The following SNTG1 variants were observed in gnomAD, a reference collection of about 807,000 sequenced individuals.
The protein encoded by SNTG1 is gamma-1-syntrophin.
A neutral mutation model predicts 74.7 loss-of-function variants in SNTG1; 39 were observed. The ratio of observed to expected loss-of-function variants is 0.52; its 90% CI spans 0.40 to 0.68. The LOEUF is 0.68. Ranked by LOEUF, SNTG1 falls within the 30% of genes least tolerant of loss-of-function variation. The pLI is 0.00. For synonymous variants in SNTG1, 254 were observed against 217.1 expected, an observed-to-expected ratio of 1.17 and a Z score of -1.49; for missense variants, 685 against 609.5, an observed-to-expected ratio of 1.12 and a Z score of -1.30.
chr8:50,156,865 G>T (rs1166832633), intron 1 of SNTG1, among the ~76,000 whole-genome samples: 2 of 152,080 alleles, frequency 1.3e-5, no homozygotes, highest in Non-Finnish European at 1.5e-5. Context: ...AGAAAGACTG[G>T]CAATACCAAG....
intron 2 of SNTG1, among the ~76,000 whole-genome samples, chr8:50,277,542 C>T (rs185917460): frequency 7.1e-4 from 108 of 152,138 alleles, no homozygotes; most frequent in Non-Finnish European, 1.3e-3. Context: ...GAAAATAATA[C>T]TATTTGGCTG....
intron 2 of SNTG1, among the ~76,000 whole-genome samples, chr8:50,243,005 A>G (rs1027802094): frequency 6.6e-6 from 1 of 152,032 alleles, no homozygotes; most frequent in Non-Finnish European, 1.5e-5. Context: ...ATTTCTACTA[A>G]GGTTTTGAAA....
rs151181717 is a variant in SNTG1, at chr8:50,250,147, G to A, written c.-28+77512G>A. On this transcript the variant is annotated intron_variant, in intron 2 of 18. Coordinates refer to ENST00000642720, the MANE Select transcript of SNTG1 (RefSeq NM_018967.5). ...GATACTATAAAAAACAGAATTGTTGGAGCTGAAGAATTTAACAAATGAAAT... is the reference window on the plus strand; with the variant it reads ...GATACTATAAAAAACAGAATTGTTGAAGCTGAAGAATTTAACAAATGAAAT... 5.9e-3 allele frequency among the ~76,000 whole-genome samples: 891 copies of A among 151,724 alleles called. 5 individuals are homozygous for A. The highest frequency in any genetic ancestry group is 0.021 in the African/African-American group (854 of 41,404).
intron 18 of SNTG1, among the ~76,000 whole-genome samples, chr8:50,764,327 G>A (rs1482291478): frequency 6.6e-6 from 1 of 151,900 alleles, no homozygotes; most frequent in Non-Finnish European, 1.5e-5. Context: ...ACAGAGTGAT[G>A]AGGCGACCTA....
At chr8:50,605,569 C>G (rs1363239452) in intron 13 of SNTG1, among the ~76,000 whole-genome samples, 3 of 152,048 alleles carry the variant, frequency 2.0e-5, no homozygotes. Flanking sequence ...TAGTCTTCCC[C>G]CAAGTGCACA....
At chr8:50,043,892 C>T (rs1250793941) in intron 1 of SNTG1, among the ~76,000 whole-genome samples, 1 of 152,142 alleles carries the variant, frequency 6.6e-6, no homozygotes, top group Non-Finnish European at 1.5e-5. Context: ...TCATAGCAGC[C>T]TAGGGAGATG....
At chr8:50,248,926 GAA>G (rs1044039793) in intron 2 of SNTG1, among the ~76,000 whole-genome samples, 26 of 152,108 alleles carry the variant, frequency 1.7e-4, no homozygotes, top group African/African-American at 5.3e-4. Flanking sequence ...AAAGTGACTA[GAA>G]AGAGATGCCA....
chr8:50,630,429 A>G (rs891414201), intron 13 of SNTG1, among the ~76,000 whole-genome samples: 1 of 152,190 alleles, frequency 6.6e-6, no homozygotes, highest in African/African-American at 2.4e-5. Flanking sequence ...GGTTATGCCA[A>G]CCAAATCTTT....
At chr8:50,243,018 G>A (rs1382322576) in intron 2 of SNTG1, among the ~76,000 whole-genome samples, 1 of 151,994 alleles carries the variant, frequency 6.6e-6, no homozygotes, top group African/African-American at 2.4e-5. Flanking sequence ...TTTTGAAATA[G>A]TTTTTTGAAT....
At chr8:50,583,411 A>AAAAG (rs2094624751) in intron 12 of SNTG1, among the ~76,000 whole-genome samples, 1 of 151,640 alleles carries the variant, frequency 6.6e-6, no homozygotes, top group Admixed American at 6.6e-5. Flanking sequence ...AAAAAAAAAA[A>AAAAG]AAAGAAAGAA....
At chr8:50,264,186 G>A (rs866749152) in intron 2 of SNTG1, among the ~76,000 whole-genome samples, 34 of 151,958 alleles carry the variant, frequency 2.2e-4, no homozygotes, top group South Asian at 2.1e-4. Flanking sequence ...ATAATGTAGC[G>A]TTTACAAAAA....
intron 1 of SNTG1, among the ~76,000 whole-genome samples, chr8:50,091,872 A>G (rs768783157): frequency 4.6e-5 from 7 of 152,072 alleles, no homozygotes; most frequent in Non-Finnish European, 8.8e-5. Context: ...ACATAATTTT[A>G]ATTAAAATGT....
chr8:50,080,342 T>C (rs1822292565), intron 1 of SNTG1, among the ~76,000 whole-genome samples: 3 of 152,206 alleles, frequency 2.0e-5, no homozygotes, highest in African/African-American at 7.2e-5. Flanking sequence ...TTTCAATCTT[T>C]TTATGTCCTT....
chr8:50,107,579 T>C (rs1056046395), intron 1 of SNTG1, among the ~76,000 whole-genome samples: 1 of 151,966 alleles, frequency 6.6e-6, no homozygotes, highest in Non-Finnish European at 1.5e-5. Flanking sequence ...TTTTTTTTGT[T>C]TTGTTTTGTT....
chr8:50,007,765 T>C lies in SNTG1; in HGVS notation c.-103+95534T>C, dbSNP rs1017594024. ...TGAATTTAGAGGAAAGAGAATGTGT[T>C]AGTCAATTTTCACACCGCTATAAAG... On this transcript the variant is annotated intron_variant, in intron 1 of 18. Transcript: ENST00000642720. Among the ~76,000 whole-genome samples, 3 of 152,104 alleles carry C rather than the reference T, an allele frequency of 2.0e-5. 1 individual carries two copies. The highest frequency in any genetic ancestry group is 7.2e-5 in the African/African-American group (3 of 41,408).
At chr8:50,141,952 TACAC>T (rs2081673001) in intron 1 of SNTG1, among the ~76,000 whole-genome samples, 1 of 152,110 alleles carries the variant, frequency 6.6e-6, no homozygotes. Flanking sequence ...ATATAACTAT[TACAC>T]ACACACTCAC....
chr8:50,400,496 A>G (rs1312894307), intron 3 of SNTG1, among the ~76,000 whole-genome samples: 1 of 152,172 alleles, frequency 6.6e-6, no homozygotes, highest in Non-Finnish European at 1.5e-5. Flanking sequence ...TCCCTTTGAC[A>G]TACTCATTTC....
intron 17 of SNTG1, among the ~76,000 whole-genome samples, chr8:50,748,199 A>G (rs1407758631): frequency 6.6e-6 from 1 of 152,068 alleles, no homozygotes; most frequent in Non-Finnish European, 1.5e-5. Context: ...ATGAATATTT[A>G]CTGTGGAATT....
chr8:50,285,575 C>A (rs2088722955), intron 2 of SNTG1, among the ~76,000 whole-genome samples: 1 of 152,108 alleles, frequency 6.6e-6, no homozygotes, highest in Non-Finnish European at 1.5e-5. Flanking sequence ...CTGCATATAT[C>A]ATGCACCAAC....
Sources: allele counts gnomAD v4.1 joint callset (sites outside exome capture counted in the v4.1 genomes callset), GRCh38; gene constraint gnomAD v4.1.1; transcripts MANE v1.5; gene names NCBI Gene and HGNC (gene_info 2026-07-23, HGNC 2026-07-21).